ERBB4: variants seen among roughly 807,000 people sequenced by gnomAD.
ERBB4 encodes erb-b2 receptor tyrosine kinase 4, also known as receptor tyrosine-protein kinase erbB-4.
ERBB4 carries 42 observed loss-of-function variants against 158.0 expected under a neutral mutation model. That is an observed-to-expected ratio of 0.27 (90% CI 0.21 to 0.34). ERBB4 has a LOEUF of 0.34. Ranked by LOEUF, ERBB4 falls within the 10% of genes least tolerant of loss-of-function variation. The pLI is 1.00. For synonymous variants in ERBB4, 583 were observed against 558.7 expected (o/e 1.04, Z -0.61); for missense variants, 1,333 against 1,624.1 (o/e 0.82, Z 3.08).
At chr2:211,985,260 AG>A (rs138429766) in intron 2 of ERBB4, among the ~76,000 whole-genome samples, 170 of 152,284 alleles carry the variant, frequency 1.1e-3, no homozygotes, top group African/African-American at 3.7e-3. Context: ...TAGACTGAAG[AG>A]GGAAGTAAAG....
At chr2:212,275,185 G>T (rs1324377187) in intron 1 of ERBB4, among the ~76,000 whole-genome samples, 1 of 151,870 alleles carries the variant, frequency 6.6e-6, no homozygotes, top group Non-Finnish European at 1.5e-5. Flanking sequence ...ATGGGTATTT[G>T]GATTGGTTCC....
intron 2 of ERBB4, among the ~76,000 whole-genome samples, chr2:212,031,296 A>C (rs2076897327): frequency 1.3e-5 from 2 of 152,154 alleles, no homozygotes; most frequent in African/African-American, 4.8e-5. Flanking sequence ...GTTTCCAAGT[A>C]GCCACATTTC....
At chr2:212,407,572 T>C (rs2091382663) in intron 1 of ERBB4, among the ~76,000 whole-genome samples, 1 of 152,138 alleles carries the variant, frequency 6.6e-6, no homozygotes, top group South Asian at 2.1e-4. Context: ...TATATATGTA[T>C]TTAAGTGTTT....
chr2:212,295,905 T>C (rs2086393573), intron 1 of ERBB4, among the ~76,000 whole-genome samples: 1 of 152,078 alleles, frequency 6.6e-6, no homozygotes, highest in South Asian at 2.1e-4. Context: ...AATTGCTTAG[T>C]AATAAAGTTT....
intron 3 of ERBB4, among the ~76,000 whole-genome samples, chr2:211,927,121 T>C (rs1327440130): frequency 6.6e-6 from 1 of 152,186 alleles, no homozygotes; most frequent in Admixed American, 6.5e-5. Context: ...TTCCATGATA[T>C]GATTGTAAAT....
intron 1 of ERBB4, among the ~76,000 whole-genome samples, chr2:212,210,604 T>C (rs1418966030): frequency 1.3e-5 from 2 of 152,130 alleles, no homozygotes; most frequent in Non-Finnish European, 2.9e-5. Flanking sequence ...CAGGTGGGAT[T>C]TGAAAGCAGA....
intron 16 of ERBB4, among the ~76,000 whole-genome samples, chr2:211,644,395 G>A (rs937295819): frequency 6.6e-6 from 1 of 151,676 alleles, no homozygotes; most frequent in East Asian, 1.9e-4. Context: ...TTGCCTAGGC[G>A]ATGTTATGAT....
chr2:211,573,394 G>A (rs548570682), intron 19 of ERBB4, among the ~76,000 whole-genome samples: 1 of 152,258 alleles, frequency 6.6e-6, no homozygotes, highest in African/African-American at 2.4e-5. Flanking sequence ...AGAAGCACCA[G>A]GTGCGGTGGC....
chr2:212,159,882 CTTAA>C (rs972469010), intron 1 of ERBB4, among the ~76,000 whole-genome samples: 3 of 151,938 alleles, frequency 2.0e-5, no homozygotes, highest in African/African-American at 4.8e-5. Flanking sequence ...ATATACTTTT[CTTAA>C]TTACTCTATA....
intron 5 of ERBB4, among the ~76,000 whole-genome samples, chr2:211,734,045 A>G (rs1037347836): frequency 6.6e-6 from 1 of 152,154 alleles, no homozygotes; most frequent in African/African-American, 2.4e-5. Context: ...TATTTAAAAA[A>G]TTTTGAAAAA....
chr2:211,447,325 T>C (rs2064135873), intron 20 of ERBB4, among the ~76,000 whole-genome samples: 1 of 152,092 alleles, frequency 6.6e-6, no homozygotes, highest in African/African-American at 2.4e-5. Flanking sequence ...CAATCCATTA[T>C]TAGAAAAACA....
intron 20 of ERBB4, among the ~76,000 whole-genome samples, chr2:211,447,004 G>A (rs1007110638): frequency 1.9e-4 from 29 of 152,122 alleles, no homozygotes; most frequent in African/African-American, 6.5e-4. Context: ...CACTGAAAGC[G>A]TAAAACAACA....
intron 1 of ERBB4, among the ~76,000 whole-genome samples, chr2:212,513,578 C>T (rs1223159170): frequency 1.3e-5 from 2 of 152,032 alleles, no homozygotes; most frequent in Non-Finnish European, 2.9e-5. Flanking sequence ...TTTGGGAGGC[C>T]GAGGCGGGTG....
intron 19 of ERBB4, among the ~76,000 whole-genome samples, chr2:211,606,552 G>C (rs1404042383): frequency 2.6e-5 from 4 of 151,844 alleles, no homozygotes; most frequent in Admixed American, 6.6e-5. Flanking sequence ...GATCTCAAAA[G>C]TATAAAGATA....
intron 5 of ERBB4, among the ~76,000 whole-genome samples, chr2:211,727,985 A>T (rs2074319186): frequency 6.6e-6 from 1 of 151,858 alleles, no homozygotes; most frequent in Admixed American, 6.6e-5. Context: ...GTTACATTAA[A>T]CTTCAAAATA....
At chr2:211,943,637 T>G (rs920077369) in intron 3 of ERBB4, among the ~76,000 whole-genome samples, 1 of 152,072 alleles carries the variant, frequency 6.6e-6, no homozygotes, top group Non-Finnish European at 1.5e-5. Context: ...GTGTGGCCTA[T>G]TTTTAGTCTA....
At chr2:212,196,979 C>G (rs2082444771) in intron 1 of ERBB4, among the ~76,000 whole-genome samples, 2 of 152,146 alleles carry the variant, frequency 1.3e-5, no homozygotes, top group African/African-American at 2.4e-5. Context: ...CAGCCTAATT[C>G]TCCCATAGAA....
At chr2:211,506,063 C>T (rs1164174187) in intron 20 of ERBB4, among the ~76,000 whole-genome samples, 9 of 151,446 alleles carry the variant, frequency 5.9e-5, no homozygotes, top group Non-Finnish European at 8.8e-5. Flanking sequence ...GGACACCTAA[C>T]AGACTTAAAG....
intron 1 of ERBB4, among the ~76,000 whole-genome samples, chr2:212,352,096 T>C (rs1398783727): frequency 2.6e-5 from 4 of 152,078 alleles, no homozygotes; most frequent in Non-Finnish European, 4.4e-5. Context: ...TGTCCTCATT[T>C]ATAATTGGGA....
Sources: gnomAD v4.1 joint callset for allele counts (sites outside exome capture counted in the v4.1 genomes callset) on GRCh38, gnomAD v4.1.1 for gene constraint, MANE v1.5 for transcripts, NCBI Gene and HGNC (gene_info 2026-07-23, HGNC 2026-07-21) for gene names.